The following HOXB6 variants were observed in gnomAD, a reference collection of about 807,000 sequenced individuals.
HOXB6 encodes homeobox protein Hox-B6.
In HOXB6, 18 loss-of-function variants were observed where a neutral mutation model predicts 24.2. That is an observed-to-expected ratio of 0.74 (90% CI 0.51 to 1.10). HOXB6 has a LOEUF of 1.10. Among genes scored for constraint, HOXB6 ranks in the 50% least tolerant of loss-of-function variants. The pLI is 0.00. For synonymous variants in HOXB6, 159 were observed against 139.1 expected (o/e 1.14, Z -1.01); for missense variants, 332 against 308.3 (o/e 1.08, Z -0.58).
intron 2 of HOXB6, chr17:48,600,557 C>T (rs1403945826): frequency 6.6e-6 from 3 of 455,056 alleles, no homozygotes; most frequent in African/African-American, 4.0e-5. Context: ...TATTTATGAG[C>T]GTTTATTCGT....
intron 2 of HOXB6, chr17:48,602,266 G>T (rs1287398646): frequency 2.2e-6 from 1 of 455,622 alleles, no homozygotes; most frequent in African/African-American, 2.0e-5. Flanking sequence ...GAACTGACGG[G>T]GCCGGCGCCT....
rs1299907349 is a variant in HOXB6 at position 48,597,600 on chromosome 17, ATCT to A, written c.415+133_415+135del. 5 of 962,290 alleles carry A rather than the reference ATCT, an allele frequency of 5.2e-6. No individual in the cohort carries two copies. In the African/African-American group the frequency reaches 8.1e-5, roughly 16 times the overall value. The allele number at this position is 962,290 out of a possible 1,614,324, so 59.6% of individuals were successfully genotyped here. A position where few individuals can be genotyped will look rare whatever the true frequency, so the allele number is the denominator to read the frequency against. On this transcript the variant is annotated intron_variant, in intron 3 of 3. Coordinates refer to ENST00000225648, the MANE Select transcript of HOXB6 (RefSeq NM_018952.5). The stretch of plus-strand genomic sequence containing the variant: ...GCGAGAGACCCCCGGCCGGCGCCCA[ATCT>A]TCTTCTATCTCCTAACTGAGATGCC...
chr17:48,597,935 G>C lies in HOXB6; in HGVS notation c.216C>G (p.Cys72Trp). 6.4e-7 allele frequency: 1 copy of C among 1,572,592 alleles called. No homozygotes were observed. Among genetic ancestry groups the C allele is most frequent in the Non-Finnish European group, 8.6e-7 (1 of 1,159,388 alleles). Residue 72 changes from cysteine (C) to tryptophan (W), a missense_variant, in exon 3 of 4, where the codon TGC (cysteine) becomes TGG (tryptophan). Physicochemically the swap from Cys to Trp is radical, Grantham distance 215 (BLOSUM62 -2). Transcript: ENST00000225648. ...AGAAGGCCGGCGCCGGCCCGTAGTC[G>C]CAGGGCGCCGCTCGGCCGTAGCCAC... Reference protein sequence around the residue: ...AGGGYGRAAPCDYGPAPAFYR... With the variant: ...AGGGYGRAAPWDYGPAPAFYR...
In HOXB6 at chr17:48,598,052, C is replaced by T; in HGVS notation, c.99G>A (p.Ala33=). 2 of 1,602,124 alleles carry T rather than the reference C, an allele frequency of 1.2e-6. No homozygotes were observed. Among genetic ancestry groups the T allele is most frequent in the Non-Finnish European group, 1.7e-6 (2 of 1,174,678 alleles). Residue 33 remains alanine (A), a synonymous_variant, in exon 3 of 4, where the codon GCG becomes GCA. Coordinates refer to ENST00000225648, the MANE Select transcript of HOXB6 (RefSeq NM_018952.5). ...GQLPLYSSGY[A]DPLRHYPAPY... ...GCGCGGGGTAATGTCTCAGCGGGTCCGCATAGCCCGACGAATAGAGCGGTA... is the reference window on the plus strand; with the variant it reads ...GCGCGGGGTAATGTCTCAGCGGGTCTGCATAGCCCGACGAATAGAGCGGTA...
intron 2 of HOXB6, among the ~76,000 whole-genome samples, chr17:48,602,715 C>T (rs1158235215): frequency 1.3e-5 from 2 of 152,192 alleles, no homozygotes; most frequent in South Asian, 2.1e-4. Context: ...GACAGTGTCG[C>T]GGGGCTTGCG....
intron 2 of HOXB6, chr17:48,602,405 G>C (rs1158632457): frequency 2.7e-6 from 1 of 365,500 alleles, no homozygotes; most frequent in African/African-American, 2.1e-5. Context: ...ATGGCGGTGG[G>C]GGTGTCGGCT....
intron 2 of HOXB6, among the ~76,000 whole-genome samples, chr17:48,600,289 C>A (rs1182293141): frequency 6.6e-6 from 1 of 152,084 alleles, no homozygotes; most frequent in Admixed American, 6.5e-5. Flanking sequence ...TCCCTGCCCA[C>A]AATGTCTCCA....
intron 2 of HOXB6, among the ~76,000 whole-genome samples, chr17:48,603,304 C>T (rs191868461): frequency 3.4e-4 from 52 of 152,252 alleles, no homozygotes; most frequent in Admixed American, 2.9e-3. Flanking sequence ...CACCTACTTC[C>T]ACCCCACGAG....
Position 48,596,844 on chromosome 17 carries a change from T to C in HOXB6, c.416-172A>G. 1 of 1,278,670 alleles carries C rather than the reference T, an allele frequency of 7.8e-7. No homozygotes were observed. The highest frequency in any genetic ancestry group is 1.4e-5 in the South Asian group (1 of 71,990). The allele number at this position is 1,278,670 out of a possible 1,614,324, so 79.2% of individuals were successfully genotyped here. ...GCCCCCTCCAGATTCCCTCCTAGTCTCCTAGGCCTGTGCCGTCTGTCTAGA... is the reference window on the plus strand; with the variant it reads ...GCCCCCTCCAGATTCCCTCCTAGTCCCCTAGGCCTGTGCCGTCTGTCTAGA... On this transcript the variant is annotated intron_variant, in intron 3 of 3. Coordinates refer to ENST00000225648, the MANE Select transcript of HOXB6 (RefSeq NM_018952.5). The surrounding 1 kb of genome is among the most constrained non-coding windows in gnomAD (Gnocchi z 4.8).
rs1202482383 is a variant in HOXB6 at position 48,597,849 on chromosome 17, G to A, written c.302C>T (p.Pro101Leu). The A allele has an allele frequency of 4.4e-6, 7 of 1,598,896 alleles. No individual in the cohort carries two copies. In the East Asian group the frequency reaches 1.1e-4, roughly 26 times the overall value. Residue 101 changes from proline (P) to leucine (L), a missense_variant, in exon 3 of 4, where the codon CCC (proline) becomes CTC (leucine). By Grantham distance (98) the Pro-to-Leu change is moderately conservative (BLOSUM62 -3). Coordinates refer to ENST00000225648, the MANE Select transcript of HOXB6 (RefSeq NM_018952.5). Reference sequence around the variant, plus strand: ...CGCGCAGTCCGACTTCCGCGGCTCGGGGTGGAACGGGGGCTGCTCGTCGGC... The same window carrying A: ...CGCGCAGTCCGACTTCCGCGGCTCGAGGTGGAACGGGGGCTGCTCGTCGGC... ...SGADEQPPFH[P>L]EPRKSDCAQD... is the part of the protein sequence containing the mutation.
In HOXB6 at chr17:48,596,323, C is replaced by G. The variant is rs113202921; in HGVS notation, c.*90G>C. On this transcript the variant is annotated 3_prime_UTR_variant, in exon 4 of 4. Transcript: ENST00000225648. This position sits in a 1 kb window ranked among gnomAD's most constrained non-coding sequence, Gnocchi z 4.8. The stretch of plus-strand genomic sequence containing the variant: ...CGGAGAGCAGGTCTCCTGGCTCCCC[C>G]ACCCGAGAGCCTTCCTTCCCGGGTC... 20 of 1,584,242 alleles carry G rather than the reference C, an allele frequency of 1.3e-5. No individual in the cohort carries two copies. In the East Asian group the frequency reaches 1.6e-4, roughly 12 times the overall value.
At chr17:48,602,678 C>T (rs1205159625) in intron 2 of HOXB6, among the ~76,000 whole-genome samples, 1 of 152,184 alleles carries the variant, frequency 6.6e-6, no homozygotes, top group East Asian at 1.9e-4. Flanking sequence ...CCTGCGAGGC[C>T]GGGGCTCCAG....
At chr17:48,602,696 G>C (rs2070498378) in intron 2 of HOXB6, among the ~76,000 whole-genome samples, 1 of 152,240 alleles carries the variant, frequency 6.6e-6, no homozygotes, top group Non-Finnish European at 1.5e-5. Context: ...CAGGCGTCGG[G>C]CACCTCTGGA....
Position 48,598,037 on chromosome 17 carries a change from A to C in HOXB6, c.114T>G (p.His38Gln). The C allele has an allele frequency of 6.2e-7, 1 of 1,600,894 alleles. No individual in the cohort carries two copies. The highest frequency in any genetic ancestry group is 8.5e-7 in the Non-Finnish European group (1 of 1,174,266). Residue 38 changes from histidine (H) to glutamine (Q), a missense_variant, in exon 3 of 4, where the codon CAT becomes CAG. By Grantham distance (24) the His-to-Gln change is conservative. Coordinates refer to ENST00000225648, the MANE Select transcript of HOXB6 (RefSeq NM_018952.5). ...GCCCTGGCCCGTAGGGCGCGGGGTAATGTCTCAGCGGGTCCGCATAGCCCG... is the reference window on the plus strand; with the variant it reads ...GCCCTGGCCCGTAGGGCGCGGGGTACTGTCTCAGCGGGTCCGCATAGCCCG... ...YSSGYADPLR[H>Q]YPAPYGPGPG...
chr17:48,600,465 G>A, intron 2 of HOXB6: 1 of 456,006 alleles, frequency 2.2e-6, no homozygotes, highest in South Asian at 1.5e-5. Context: ...TCTGGAGATG[G>A]AGCCACTACA....
chr17:48,596,987 T>G lies in HOXB6; in HGVS notation c.416-315A>C. 7.9e-7 allele frequency: 1 copy of G among 1,262,948 alleles called. No homozygotes were observed. The highest frequency in any genetic ancestry group is 1.0e-6 in the Non-Finnish European group (1 of 986,904). The allele number at this position is 1,262,948 out of a possible 1,614,324, so 78.2% of individuals were successfully genotyped here. A position where few individuals can be genotyped will look rare whatever the true frequency, so the allele number is the denominator to read the frequency against. Reference sequence around the variant, plus strand: ...TCTTTCCCTCCCTTTCCATCCATCTTGTTCCCACCCCCCGTCATCCCCCCA... The same window carrying G: ...TCTTTCCCTCCCTTTCCATCCATCTGGTTCCCACCCCCCGTCATCCCCCCA... On this transcript the variant is annotated intron_variant, in intron 3 of 3. Coordinates refer to ENST00000225648, the MANE Select transcript of HOXB6 (RefSeq NM_018952.5). The surrounding 1 kb of genome is among the most constrained non-coding windows in gnomAD (Gnocchi z 4.8).
intron 2 of HOXB6, 173 bp from the exon 3 acceptor site, chr17:48,598,401 CTATCAACCT>C: frequency 2.7e-6 from 1 of 374,478 alleles, no homozygotes; most frequent in Non-Finnish European, 4.4e-6. Context: ...GCGCACAAAC[CTATCAACCT>C]TTTTTTTTTT....
At position 48,597,774 on chromosome 17, in the gene HOXB6, G is replaced by C. The variant is rs1386500409; in HGVS notation, c.377C>G (p.Pro126Arg). The change falls in exon 3 of 4, where the codon CCG becomes CGG. Residue 126 changes from proline (P) to arginine (R), a missense_variant. Pro to Arg is a moderately radical substitution (Grantham distance 103). Coordinates refer to ENST00000225648, the MANE Select transcript of HOXB6 (RefSeq NM_018952.5). ...CATCCGCTGCATCCACGGGTAGACC[G>C]GAGTGGAGCACTTCTGCTCTTCTGT... ...GETEEQKCST[P>R]VYPWMQRMNS... The C allele has an allele frequency of 1.2e-6, 2 of 1,612,858 alleles. No homozygotes were observed. The highest frequency in any genetic ancestry group is 2.2e-5 in the East Asian group (1 of 44,824).
At chr17:48,602,095 T>C in intron 2 of HOXB6, 2 of 455,958 alleles carry the variant, frequency 4.4e-6, no homozygotes, top group Non-Finnish European at 8.8e-6. Context: ...CTTGAAAAGA[T>C]CGAGAATGGA....
Sources: gnomAD v4.1 joint callset for allele counts (sites outside exome capture counted in the v4.1 genomes callset) on GRCh38, gnomAD v4.1.1 for gene constraint, Gnocchi (gnomAD v3.1) non-coding constraint, MANE v1.5 for transcripts, NCBI Gene and HGNC (gene_info 2026-07-23, HGNC 2026-07-21) for gene names.